Variants in GJB7 observed in about 807,000 individuals in gnomAD.
The protein encoded by GJB7 is gap junction beta-7 protein.
For synonymous variants in GJB7, 87 were observed against 95.2 expected (o/e 0.91, Z 0.50); for missense variants, 253 against 256.8 (o/e 0.99, Z 0.10).
rs186125675 is a variant in GJB7, at chr6:87,295,136, A to G, written c.-27-10197T>C. Among the ~76,000 whole-genome samples, 385 of 152,328 alleles carry G rather than the reference A, an allele frequency of 2.5e-3. 2 individuals are homozygous for G. Among genetic ancestry groups the G allele is most frequent in the African/African-American group, 8.9e-3 (372 of 41,584 alleles). On this transcript the variant is annotated intron_variant, in intron 2 of 2. Transcript: ENST00000525899. The stretch of plus-strand genomic sequence containing the variant: ...GCCAAAAAAAAAAATGGCATAAGAA[A>G]TGAGAGAAGTATGCATAGATTTTGG...
At chr6:87,305,777 T>C (rs1776416977) in intron 2 of GJB7, among the ~76,000 whole-genome samples, 1 of 152,150 alleles carries the variant, frequency 6.6e-6, no homozygotes, top group South Asian at 2.1e-4. Flanking sequence ...CTTCAAACTA[T>C]ACTACAAGGC....
At chr6:87,286,716 G>C (rs138394997) in intron 2 of GJB7, among the ~76,000 whole-genome samples, 38 of 152,284 alleles carry the variant, frequency 2.5e-4, no homozygotes, top group African/African-American at 8.2e-4. Context: ...TCAGAACTCT[G>C]TTCTGTGCTT....
intron 2 of GJB7, among the ~76,000 whole-genome samples, chr6:87,307,047 A>G (rs1002832132): frequency 3.9e-5 from 6 of 152,100 alleles, no homozygotes; most frequent in African/African-American, 1.4e-4. Flanking sequence ...GTGGGGAGGG[A>G]TAGCTTTAGG....
chr6:87,292,762 A>G (rs924413821), intron 2 of GJB7, among the ~76,000 whole-genome samples: 8 of 152,234 alleles, frequency 5.3e-5, no homozygotes, highest in African/African-American at 1.9e-4. Flanking sequence ...TAACACCTTC[A>G]TTCCTTCATT....
At chr6:87,285,785 TC>T (rs1347565054) in intron 2 of GJB7, among the ~76,000 whole-genome samples, 1 of 152,198 alleles carries the variant, frequency 6.6e-6, no homozygotes, top group Non-Finnish European at 1.5e-5. Context: ...CAGTCTTTCT[TC>T]CTTTATTCCT....
At chr6:87,311,364 G>C (rs1776510700) in intron 2 of GJB7, among the ~76,000 whole-genome samples, 1 of 152,090 alleles carries the variant, frequency 6.6e-6, no homozygotes, top group African/African-American at 2.4e-5. Context: ...CCTCAAACTG[G>C]AAATACCCAA....
intron 1 of GJB7, among the ~76,000 whole-genome samples, chr6:87,326,506 G>C (rs1381052399): frequency 1.3e-5 from 2 of 151,678 alleles, no homozygotes; most frequent in Non-Finnish European, 2.9e-5. Context: ...CTTTATTTCT[G>C]CCTTCAGTTC....
intron 1 of GJB7, among the ~76,000 whole-genome samples, chr6:87,328,510 C>G (rs57631457): frequency 6.6e-6 from 1 of 151,418 alleles, no homozygotes; most frequent in African/African-American, 2.4e-5. Context: ...AGTACCCGGC[C>G]GTGTGAGGTA....
rs547035380 is a variant in GJB7, at chr6:87,290,548, A to T, written c.-27-5609T>A. On this transcript the variant is annotated intron_variant, in intron 2 of 2. Coordinates refer to ENST00000525899, the MANE Select transcript of GJB7 (RefSeq NM_198568.3). Reference sequence around the variant, plus strand: ...GTTATATTCTTAAGTGTCTACAAGAAGTTTATATGTACGTTCATATTCCTA... The same window carrying T: ...GTTATATTCTTAAGTGTCTACAAGATGTTTATATGTACGTTCATATTCCTA... Among the ~76,000 whole-genome samples, 100 of 150,908 alleles carry T rather than the reference A, an allele frequency of 6.6e-4. 1 individual carries two copies. The highest frequency in any genetic ancestry group is 3.4e-3 in the Middle Eastern group (1 of 294).
At chr6:87,301,977 CA>C (rs1413097313) in intron 2 of GJB7, among the ~76,000 whole-genome samples, 1 of 152,212 alleles carries the variant, frequency 6.6e-6, no homozygotes, top group East Asian at 1.9e-4. Flanking sequence ...TCCTAACTGT[CA>C]GAAGGAAAAC....
At chr6:87,301,487 C>T (rs76911102) in intron 2 of GJB7, among the ~76,000 whole-genome samples, 3 of 152,112 alleles carry the variant, frequency 2.0e-5, no homozygotes, top group Non-Finnish European at 2.9e-5. Flanking sequence ...GGGGGATGGG[C>T]GCCCGCCATT....
intron 2 of GJB7, among the ~76,000 whole-genome samples, chr6:87,301,598 T>C (rs1461646456): frequency 1.2e-4 from 19 of 152,140 alleles, no homozygotes; most frequent in Non-Finnish European, 2.9e-5. Context: ...ACTCCCCCTC[T>C]GGAGGGGAAG....
At chr6:87,306,177 G>A (rs1354939403) in intron 2 of GJB7, among the ~76,000 whole-genome samples, 1 of 151,932 alleles carries the variant, frequency 6.6e-6, no homozygotes, top group Non-Finnish European at 1.5e-5. Context: ...ATTGACAAAT[G>A]GGATCTCATT....
chr6:87,299,166 C>A, intron 2 of GJB7: 1 of 456,872 alleles, frequency 2.2e-6, no homozygotes. Flanking sequence ...AGTGCTAATC[C>A]TGTGGAAATC....
chr6:87,291,996 C>T (rs1176408656), intron 2 of GJB7: 1 of 152,176 alleles, frequency 6.6e-6, no homozygotes, highest in East Asian at 1.9e-4. Flanking sequence ...TTTAAAAAAG[C>T]ATGAGTTGGT....
chr6:87,321,481 G>T (rs767188252), intron 2 of GJB7, among the ~76,000 whole-genome samples: 5 of 152,122 alleles, frequency 3.3e-5, no homozygotes, highest in Non-Finnish European at 5.9e-5. Flanking sequence ...ATGCTGGTCA[G>T]TTGTGTCTAA....
intron 2 of GJB7, chr6:87,322,187 C>T (rs2127912333): frequency 6.6e-6 from 1 of 152,340 alleles, no homozygotes; most frequent in Non-Finnish European, 1.5e-5. Flanking sequence ...AGAGTATTAA[C>T]TCTACACTTA....
intron 2 of GJB7, among the ~76,000 whole-genome samples, chr6:87,291,659 C>T (rs1356481954): frequency 6.6e-6 from 1 of 152,200 alleles, no homozygotes; most frequent in African/African-American, 2.4e-5. Context: ...ACATAGGCAA[C>T]CTTACTTCGT....
At chr6:87,287,428 C>T (rs1168417624) in intron 2 of GJB7, among the ~76,000 whole-genome samples, 1 of 152,132 alleles carries the variant, frequency 6.6e-6, no homozygotes, top group Non-Finnish European at 1.5e-5. Flanking sequence ...TAGAGCAAGC[C>T]CACATTCCAG....
Sources: allele counts gnomAD v4.1 joint callset (sites outside exome capture counted in the v4.1 genomes callset), GRCh38; gene constraint gnomAD v4.1.1; transcripts MANE v1.5; gene names NCBI Gene and HGNC (gene_info 2026-07-23, HGNC 2026-07-21).